SHANK2: variants seen among roughly 807,000 people sequenced by gnomAD.
The protein encoded by SHANK2 is SH3 and multiple ankyrin repeat domains 2, also known as SH3 and multiple ankyrin repeat domains protein 2.
In SHANK2, 43 loss-of-function variants were observed where a neutral mutation model predicts 133.7. That is an observed-to-expected ratio of 0.32 (90% confidence interval 0.25 to 0.41). The LOEUF (loss-of-function observed/expected upper bound fraction) is 0.41, where lower values mean the gene tolerates loss of function less well. SHANK2 is among the 10% of genes least tolerant of loss of function. SHANK2 has a pLI of 1.00. For synonymous variants in SHANK2, 1,017 were observed against 952.8 expected, an observed-to-expected ratio of 1.07 and a Z score of -1.24; for missense variants, 1,994 against 2,235.8, an observed-to-expected ratio of 0.89 and a Z score of 2.18.
intron 2 of SHANK2, among the ~76,000 whole-genome samples, chr11:71,164,215 C>A (rs1385924666): frequency 4.6e-5 from 7 of 152,126 alleles, no homozygotes; most frequent in Non-Finnish European, 8.8e-5. Flanking sequence ...AAATCATCCC[C>A]AGGTACAAGC....
intron 10 of SHANK2, among the ~76,000 whole-genome samples, chr11:70,926,015 T>C (rs1404355000): frequency 6.6e-6 from 1 of 152,188 alleles, no homozygotes; most frequent in African/African-American, 2.4e-5. Flanking sequence ...GGCTCCCATC[T>C]GTAATCCACC....
At chr11:70,502,741 A>T in intron 18 of SHANK2, 55 bp downstream of exon 18, 1 of 381,842 alleles carries the variant, frequency 2.6e-6, no homozygotes, top group Non-Finnish European at 4.5e-6. Flanking sequence ...GCCCGCCCCC[A>T]CCCCCCCCCC....
At chr11:70,764,085 T>TCCAC (rs1947056453) in intron 14 of SHANK2, among the ~76,000 whole-genome samples, 2 of 144,834 alleles carry the variant, frequency 1.4e-5, no homozygotes, top group African/African-American at 5.1e-5. Flanking sequence ...CATCCATCCA[T>TCCAC]CCATCCATCC....
chr11:70,713,871 T>C (rs1287234008), intron 14 of SHANK2, among the ~76,000 whole-genome samples: 3 of 152,236 alleles, frequency 2.0e-5, no homozygotes, highest in Non-Finnish European at 4.4e-5. Context: ...TGGCCTCTGC[T>C]GTACAGGTGA....
chr11:70,663,295 A>G (rs1944611574), intron 15 of SHANK2, among the ~76,000 whole-genome samples: 1 of 152,168 alleles, frequency 6.6e-6, no homozygotes, highest in Non-Finnish European at 1.5e-5. Flanking sequence ...AGGTGCAGCC[A>G]GCTGGTGACA....
intron 17 of SHANK2, among the ~76,000 whole-genome samples, chr11:70,570,373 G>A (rs749164335): frequency 1.3e-5 from 2 of 152,210 alleles, no homozygotes; most frequent in African/African-American, 2.4e-5. Flanking sequence ...GGGTGCACGC[G>A]TGGGTGCCCC....
intron 14 of SHANK2, among the ~76,000 whole-genome samples, chr11:70,721,360 A>G (rs1311709635): frequency 3.3e-5 from 5 of 152,310 alleles, no homozygotes; most frequent in Non-Finnish European, 1.5e-5. Flanking sequence ...ACTCTTGCCC[A>G]TTTGGATTTA....
intron 17 of SHANK2, among the ~76,000 whole-genome samples, chr11:70,551,164 A>G (rs2059762897): frequency 1.3e-5 from 2 of 152,084 alleles, no homozygotes; most frequent in Admixed American, 1.3e-4. Context: ...GCTGCAGCAA[A>G]TGTTCTTTTT....
intron 11 of SHANK2, among the ~76,000 whole-genome samples, chr11:70,857,713 AAG>A (rs1249886598): frequency 6.6e-6 from 1 of 152,170 alleles, no homozygotes; most frequent in Non-Finnish European, 1.5e-5. Flanking sequence ...GGGGAGATCT[AAG>A]CCCACAAGAC....
chr11:70,945,749 A>T (rs1389968119), intron 10 of SHANK2, among the ~76,000 whole-genome samples: 1 of 152,180 alleles, frequency 6.6e-6, no homozygotes, highest in East Asian at 1.9e-4. Context: ...GTTACCACCA[A>T]AGCTGCAGGT....
intron 17 of SHANK2, among the ~76,000 whole-genome samples, chr11:70,641,383 G>A (rs575136964): frequency 2.0e-4 from 30 of 152,316 alleles, no homozygotes; most frequent in African/African-American, 7.2e-4. Context: ...ATAAGCCACT[G>A]CGCCTGGACT....
chr11:70,843,176 G>A (rs1555062216), intron 11 of SHANK2, among the ~76,000 whole-genome samples: 1 of 151,678 alleles, frequency 6.6e-6, no homozygotes. Context: ...AGATGCTCAG[G>A]TGGTGACTGT....
chr11:71,224,325 C>T (rs572633376), intron 2 of SHANK2, among the ~76,000 whole-genome samples: 78 of 152,022 alleles, frequency 5.1e-4, no homozygotes, highest in Non-Finnish European at 8.8e-4. Context: ...CTTCCCTGCA[C>T]GTGGGCATCA....
chr11:70,482,657 C>T (rs1286056819), intron 25 of SHANK2, among the ~76,000 whole-genome samples: 10 of 152,212 alleles, frequency 6.6e-5, no homozygotes, highest in African/African-American at 2.2e-4. Context: ...TTGGTGAATG[C>T]TTTGTGTCAT....
intron 15 of SHANK2, among the ~76,000 whole-genome samples, chr11:70,681,483 C>T (rs914793143): frequency 3.9e-5 from 6 of 152,100 alleles, no homozygotes; most frequent in East Asian, 1.9e-4. Context: ...CCTCAAAGGC[C>T]GAAAGGTGCA....
intron 9 of SHANK2, among the ~76,000 whole-genome samples, chr11:71,064,288 G>C (rs1384688437): frequency 6.6e-6 from 1 of 152,248 alleles, no homozygotes; most frequent in African/African-American, 2.4e-5. Flanking sequence ...ACAGTGGAGA[G>C]GATGCGGCTG....
intron 17 of SHANK2, among the ~76,000 whole-genome samples, chr11:70,522,620 G>C (rs939410159): frequency 1.3e-5 from 2 of 152,234 alleles, no homozygotes. Context: ...CTCAGGCTTT[G>C]AAAGCCCAGG....
chr11:70,764,451 C>A (rs1329210596), intron 14 of SHANK2, among the ~76,000 whole-genome samples: 1 of 150,638 alleles, frequency 6.6e-6, no homozygotes, highest in Non-Finnish European at 1.5e-5. Context: ...ATGCATCTAT[C>A]ATCCATCCAT....
chr11:70,906,159 C>A (rs1164684387), intron 10 of SHANK2, among the ~76,000 whole-genome samples: 1 of 152,270 alleles, frequency 6.6e-6, no homozygotes, highest in Non-Finnish European at 1.5e-5. Context: ...CAGCGCCCAG[C>A]CTGTTGCACC....
Sources: allele counts gnomAD v4.1 joint callset (sites outside exome capture counted in the v4.1 genomes callset), GRCh38; gene constraint gnomAD v4.1.1; transcripts MANE v1.5; gene names NCBI Gene and HGNC (gene_info 2026-07-23, HGNC 2026-07-21).